The following C8orf34 variants were observed in gnomAD, a reference collection of about 807,000 sequenced individuals.
C8orf34 encodes chromosome 8 open reading frame 34.
C8orf34 carries 65 observed loss-of-function variants against 68.3 expected under a neutral mutation model. The observed-to-expected ratio is 0.95, with a 90% CI of 0.78 to 1.17. The LOEUF (loss-of-function observed/expected upper bound fraction) is 1.17. C8orf34 is among the 50% of genes most tolerant of loss of function. The probability of loss-of-function intolerance (pLI) is 0.00; values close to 1 mark genes in which losing one functional copy is unlikely to be tolerated. For missense variants in C8orf34, 664 were observed against 655.4 expected (o/e 1.01, Z -0.14); for synonymous variants, 244 against 241.2 (o/e 1.01, Z -0.11).
chr8:68,457,148 A>G (rs1811588045), intron 3 of C8orf34, among the ~76,000 whole-genome samples: 1 of 152,050 alleles, frequency 6.6e-6, no homozygotes, highest in Non-Finnish European at 1.5e-5. Flanking sequence ...TTCTCAGGGT[A>G]TTTTTTTAAA....
At chr8:68,578,044 A>G (rs1003091947) in intron 7 of C8orf34, among the ~76,000 whole-genome samples, 3 of 151,944 alleles carry the variant, frequency 2.0e-5, no homozygotes, top group Non-Finnish European at 4.4e-5. Context: ...AGTTAAAAAA[A>G]AACTTTAAAA....
At position 68,669,371 on chromosome 8, in the gene C8orf34, C is replaced by T. The variant is rs564080351; in HGVS notation, c.1241+28860C>T. 2.0e-5 allele frequency among the ~76,000 whole-genome samples: 3 copies of T among 152,176 alleles called. No homozygotes were observed. In the East Asian group the frequency reaches 5.8e-4, roughly 29 times the overall value. ...AATATTAGAGTCTTAAAAAAATGAT[C>T]CTTTAGCAAGAACAAAAATGGTTAA... On this transcript the variant is annotated intron_variant, in intron 8 of 13. Transcript: ENST00000518698.
chr8:68,553,894 G>T (rs1274299537), intron 7 of C8orf34, among the ~76,000 whole-genome samples: 1 of 147,936 alleles, frequency 6.8e-6, no homozygotes, highest in Non-Finnish European at 1.5e-5. Flanking sequence ...GAAAAAAAAT[G>T]AGAAGTTTGA....
At position 68,532,199 on chromosome 8, in the gene C8orf34, A is replaced by G. The variant is rs192614282; in HGVS notation, c.939-784A>G. Among the ~76,000 whole-genome samples, 23 of 152,282 alleles carry G rather than the reference A, an allele frequency of 1.5e-4. No individual in the cohort carries two copies. In the East Asian group the frequency reaches 3.9e-3, roughly 26 times the overall value. On this transcript the variant is annotated intron_variant, in intron 6 of 13. Transcript: ENST00000518698. Reference sequence around the variant, plus strand: ...ACAGAAAAACAGAAAGAACAGAAATATGGGTATATACAATGGACTATCCTC... The same window carrying G: ...ACAGAAAAACAGAAAGAACAGAAATGTGGGTATATACAATGGACTATCCTC...
chr8:68,457,249 G>A (rs1357260689), intron 3 of C8orf34, among the ~76,000 whole-genome samples: 2 of 151,890 alleles, frequency 1.3e-5, no homozygotes, highest in African/African-American at 2.4e-5. Flanking sequence ...TGTATAGAAA[G>A]TATAAACTAC....
At position 68,678,876 on chromosome 8, in the gene C8orf34, A is replaced by C. The variant is rs199983671; in HGVS notation, c.1242-30118A>C. On this transcript the variant is annotated intron_variant, in intron 8 of 13. Coordinates refer to ENST00000518698, the MANE Select transcript of C8orf34 (RefSeq NM_052958.4). ...CCACAACTGAAAAAAAAAAAAAAAA[A>C]CTGTTAGAACTGATAAACAAAGTCA... Among the ~76,000 whole-genome samples the C allele has an allele frequency of 1.8e-3, 259 of 147,910 alleles. 1 individual carries two copies. The highest frequency in any genetic ancestry group is 3.0e-3 in the Non-Finnish European group (202 of 66,426).
intron 12 of C8orf34, among the ~76,000 whole-genome samples, chr8:68,789,866 G>A (rs1016384765): frequency 1.3e-5 from 2 of 152,116 alleles, no homozygotes; most frequent in South Asian, 4.2e-4. Flanking sequence ...TTATCCATGG[G>A]TTTTGCTAAA....
At chr8:68,541,371 G>C (rs1216015992) in intron 7 of C8orf34, among the ~76,000 whole-genome samples, 1 of 151,910 alleles carries the variant, frequency 6.6e-6, no homozygotes, top group Non-Finnish European at 1.5e-5. Flanking sequence ...GAAGCTGAGG[G>C]GAGAGGATCA....
chr8:68,693,467 C>T (rs1254309807), intron 8 of C8orf34, among the ~76,000 whole-genome samples: 1 of 151,980 alleles, frequency 6.6e-6, no homozygotes, highest in Non-Finnish European at 1.5e-5. Flanking sequence ...GAAAATTGTT[C>T]TCGTGAAAAG....
intron 10 of C8orf34, among the ~76,000 whole-genome samples, chr8:68,774,428 G>A (rs933359831): frequency 1.3e-5 from 2 of 151,430 alleles, no homozygotes; most frequent in African/African-American, 4.9e-5. Flanking sequence ...ATTCCTCACA[G>A]CTTGAGGGAT....
intron 12 of C8orf34, among the ~76,000 whole-genome samples, chr8:68,794,500 TA>T (rs1174641667): frequency 3.0e-4 from 27 of 89,224 alleles, no homozygotes; most frequent in African/African-American, 1.3e-3. Context: ...TATATATATA[TA>T]TATATTTTTT....
At chr8:68,484,771 T>A (rs1813004252) in intron 4 of C8orf34, among the ~76,000 whole-genome samples, 1 of 150,056 alleles carries the variant, frequency 6.7e-6, no homozygotes, top group South Asian at 2.1e-4. Flanking sequence ...CTGCTTTTAA[T>A]CTGTATAAGC....
At chr8:68,361,251 C>G (rs573140058) in intron 1 of C8orf34, among the ~76,000 whole-genome samples, 2 of 152,270 alleles carry the variant, frequency 1.3e-5, no homozygotes, top group South Asian at 4.1e-4. Context: ...CATAGAGAGG[C>G]TCACCTAGGG....
intron 7 of C8orf34, among the ~76,000 whole-genome samples, chr8:68,604,761 T>A (rs1474362728): frequency 2.6e-5 from 4 of 152,006 alleles, no homozygotes; most frequent in African/African-American, 9.7e-5. Flanking sequence ...AACTAGAAAA[T>A]AACATAGTAG....
intron 3 of C8orf34, among the ~76,000 whole-genome samples, chr8:68,465,287 A>G (rs954490040): frequency 6.6e-6 from 1 of 151,220 alleles, no homozygotes; most frequent in Non-Finnish European, 1.5e-5. Flanking sequence ...CAATCATTAA[A>G]AAGTCAGGAA....
intron 12 of C8orf34, among the ~76,000 whole-genome samples, chr8:68,789,335 G>A (rs1823928696): frequency 6.6e-6 from 1 of 152,218 alleles, no homozygotes; most frequent in Non-Finnish European, 1.5e-5. Context: ...AATTATATGA[G>A]TGTGCTATAT....
Position 68,578,642 on chromosome 8 carries a change from C to CTATATATATATATATATATATATA in C8orf34, c.1105+45508_1105+45509insATATATATATATATATATATATAT, listed in dbSNP as rs545258846. ...TCTATAGTTCATTGCAGATTAAATA[C>CTATATATATATATATATATATATA]TATATATATATATATTTCAATATTG... On this transcript the variant is annotated intron_variant, in intron 7 of 13. Transcript: ENST00000518698. 5.4e-3 allele frequency among the ~76,000 whole-genome samples: 801 copies of CTATATATATATATATATATATATA among 148,512 alleles called. 10 individuals are homozygous for CTATATATATATATATATATATATA. Among genetic ancestry groups the CTATATATATATATATATATATATA allele is most frequent in the African/African-American group, 0.019 (755 of 39,420 alleles).
chr8:68,812,899 T>A (rs1824696834), intron 12 of C8orf34, among the ~76,000 whole-genome samples: 1 of 152,214 alleles, frequency 6.6e-6, no homozygotes, highest in Non-Finnish European at 1.5e-5. Context: ...TTTGTTGATA[T>A]CTGATAGAAA....
intron 1 of C8orf34, among the ~76,000 whole-genome samples, chr8:68,399,307 C>T (rs180896691): frequency 1.5e-4 from 23 of 152,204 alleles, no homozygotes; most frequent in African/African-American, 3.6e-4. Context: ...ATCAACCCCC[C>T]GTTCTACCCT....
Sources: allele counts gnomAD v4.1 joint callset (sites outside exome capture counted in the v4.1 genomes callset), GRCh38; gene constraint gnomAD v4.1.1; transcripts MANE v1.5; gene names NCBI Gene and HGNC (gene_info 2026-07-23, HGNC 2026-07-21).